PPFIA2: variants seen among roughly 807,000 people sequenced by gnomAD.
PPFIA2 encodes the protein liprin-alpha-2.
In PPFIA2, 46 loss-of-function variants were observed where a neutral mutation model predicts 175.5. That is an observed-to-expected ratio of 0.26 (90% confidence interval 0.21 to 0.34). The LOEUF (loss-of-function observed/expected upper bound fraction) is 0.34. Ranked by LOEUF, PPFIA2 falls within the 10% of genes least tolerant of loss-of-function variation. The pLI, the probability that PPFIA2 is intolerant of heterozygous loss-of-function variation, is 1.00. For missense variants in PPFIA2, 1,179 were observed against 1,506.1 expected, an observed-to-expected ratio of 0.78 and a Z score of 3.60; for synonymous variants, 568 against 511.4, an observed-to-expected ratio of 1.11 and a Z score of -1.49.
chr12:81,394,459 T>C lies in PPFIA2; in HGVS notation c.763-10215A>G, dbSNP rs542871229. On this transcript the variant is annotated intron_variant, in intron 8 of 32. Transcript: ENST00000549396. ...AAATTTCACTTCTGTCAGAGAATCA[T>C]GCATACAAAAAAAAAATCAAGTTGT... is the stretch of plus-strand genomic sequence containing the variant. Among the ~76,000 whole-genome samples, 417 of 151,830 alleles carry C rather than the reference T, an allele frequency of 2.7e-3. 1 individual carries two copies. Among genetic ancestry groups the C allele is most frequent in the African/African-American group, 9.0e-3 (374 of 41,444 alleles).
chr12:81,521,741 A>G (rs545694161), intron 4 of PPFIA2, among the ~76,000 whole-genome samples: 7 of 151,838 alleles, frequency 4.6e-5, no homozygotes, highest in South Asian at 4.2e-4. Context: ...AATGGCGTGA[A>G]CACGGGAGGC....
intron 4 of PPFIA2, among the ~76,000 whole-genome samples, chr12:81,591,684 T>G (rs2058690073): frequency 6.6e-6 from 1 of 152,160 alleles, no homozygotes; most frequent in African/African-American, 2.4e-5. Context: ...GCCTGAAGCC[T>G]TGGCAGCTTC....
At chr12:81,657,908 C>G (rs1381381664) in intron 4 of PPFIA2, among the ~76,000 whole-genome samples, 2 of 152,104 alleles carry the variant, frequency 1.3e-5, no homozygotes, top group African/African-American at 4.8e-5. Context: ...ATGATTATTT[C>G]CATATAATGC....
intron 4 of PPFIA2, among the ~76,000 whole-genome samples, chr12:81,553,040 A>G (rs780725852): frequency 9.9e-5 from 15 of 152,014 alleles, no homozygotes; most frequent in Admixed American, 3.9e-4. Context: ...CCCCCTAATG[A>G]AAGAGCCACA....
chr12:81,308,270 C>T (rs1010135594), intron 22 of PPFIA2, among the ~76,000 whole-genome samples: 1 of 152,144 alleles, frequency 6.6e-6, no homozygotes, highest in Non-Finnish European at 1.5e-5. Flanking sequence ...TCACACAAAA[C>T]AGTAACTAAT....
chr12:81,457,643 ACTATCTG>A, intron 5 of PPFIA2, 115 bp downstream of exon 5: 1 of 552,938 alleles, frequency 1.8e-6, no homozygotes, highest in Non-Finnish European at 3.1e-6. Context: ...TAACTGAGTT[ACTATCTG>A]CTTAAAGTAA....
chr12:81,626,034 A>C (rs2062660573), intron 4 of PPFIA2, among the ~76,000 whole-genome samples: 1 of 151,586 alleles, frequency 6.6e-6, no homozygotes, highest in Admixed American at 6.6e-5. Context: ...AGTTGACAGA[A>C]ATGTCCAGTT....
At chr12:81,411,681 G>A (rs183245950) in intron 7 of PPFIA2, among the ~76,000 whole-genome samples, 1 of 152,108 alleles carries the variant, frequency 6.6e-6, no homozygotes, top group Admixed American at 6.6e-5. Flanking sequence ...ATATCCTGGA[G>A]AGATTCATTT....
At chr12:81,653,464 A>G (rs2067308663) in intron 4 of PPFIA2, among the ~76,000 whole-genome samples, 1 of 152,044 alleles carries the variant, frequency 6.6e-6, no homozygotes, top group Admixed American at 6.6e-5. Flanking sequence ...AAAAGCTCCA[A>G]AAGAGGATCT....
intron 16 of PPFIA2, among the ~76,000 whole-genome samples, chr12:81,354,381 T>C (rs2060528680): frequency 6.6e-6 from 1 of 152,224 alleles, no homozygotes; most frequent in African/African-American, 2.4e-5. Flanking sequence ...TTTAACAATG[T>C]TCACCAAGAG....
chr12:81,311,749 A>AAAAAAAAAAG (rs1555249970), intron 22 of PPFIA2, among the ~76,000 whole-genome samples: 1 of 143,030 alleles, frequency 7.0e-6, no homozygotes. Context: ...AAAAAAAAAA[A>AAAAAAAAAAG]AAAGAAAGAA....
intron 4 of PPFIA2, among the ~76,000 whole-genome samples, chr12:81,638,853 A>G (rs981252731): frequency 6.7e-6 from 1 of 149,854 alleles, no homozygotes; most frequent in Non-Finnish European, 1.5e-5. Context: ...ACGCCCGGCT[A>G]ATTTTTTGTA....
chr12:81,717,682 G>A (rs2078811010), intron 3 of PPFIA2, among the ~76,000 whole-genome samples: 1 of 151,502 alleles, frequency 6.6e-6, no homozygotes, highest in Non-Finnish European at 1.5e-5. Flanking sequence ...CACTGTCCTG[G>A]GTGCTAGGAA....
rs148056625 is a variant in PPFIA2 at position 81,746,586 on chromosome 12, C to A, written c.249+7387G>T. 6.3e-4 allele frequency among the ~76,000 whole-genome samples: 91 copies of A among 143,998 alleles called. 11 individuals carry two copies. Among genetic ancestry groups the A allele is most frequent in the Admixed American group, 1.9e-3 (26 of 13,628 alleles). 94.5% of individuals were successfully genotyped at this position (143,998 alleles called of 152,430 possible). On this transcript the variant is annotated intron_variant, in intron 3 of 32. Transcript: ENST00000549396. ...TAAAGGGAAACACAGAGTCAAGGGA[C>A]TTTTTTGTTGTTAATTGTACTTGTC... is the stretch of plus-strand genomic sequence containing the variant.
chr12:81,320,684 G>C (rs1462025189), intron 22 of PPFIA2, among the ~76,000 whole-genome samples: 1 of 151,986 alleles, frequency 6.6e-6, no homozygotes, highest in Non-Finnish European at 1.5e-5. Flanking sequence ...GAAAACATTA[G>C]CAGATAAAGA....
chr12:81,389,443 G>C (rs1221059445), intron 8 of PPFIA2, among the ~76,000 whole-genome samples: 1 of 151,922 alleles, frequency 6.6e-6, no homozygotes, highest in African/African-American at 2.4e-5. Flanking sequence ...CCATTAAGCA[G>C]TAAATGTTCA....
chr12:81,386,545 C>A (rs916488558), intron 8 of PPFIA2, among the ~76,000 whole-genome samples: 1 of 151,432 alleles, frequency 6.6e-6, no homozygotes, highest in South Asian at 2.1e-4. Flanking sequence ...TTGCTTAAGC[C>A]CAGAAGGTCC....
chr12:81,622,630 C>T (rs1337570792), intron 4 of PPFIA2, among the ~76,000 whole-genome samples: 1 of 151,982 alleles, frequency 6.6e-6, no homozygotes, highest in Non-Finnish European at 1.5e-5. Context: ...ATGAACATAG[C>T]TTTAAAACTA....
intron 21 of PPFIA2, among the ~76,000 whole-genome samples, chr12:81,333,052 T>C (rs1182371715): frequency 1.3e-5 from 2 of 152,192 alleles, no homozygotes; most frequent in Non-Finnish European, 2.9e-5. Flanking sequence ...AGGGTTGAAG[T>C]AGATCTTAAA....
Sources: gnomAD v4.1 joint callset for allele counts (sites outside exome capture counted in the v4.1 genomes callset) on GRCh38, gnomAD v4.1.1 for gene constraint, MANE v1.5 for transcripts, NCBI Gene and HGNC (gene_info 2026-07-23, HGNC 2026-07-21) for gene names.